Variants in PTPN14 observed in about 807,000 individuals in gnomAD.
The protein encoded by PTPN14 is tyrosine-protein phosphatase non-receptor type 14.
A neutral mutation model predicts 126.8 loss-of-function variants in PTPN14; 53 were observed. The ratio of observed to expected loss-of-function variants is 0.42; its 90% CI spans 0.34 to 0.53. The LOEUF (loss-of-function observed/expected upper bound fraction) is 0.53, where lower values mean the gene tolerates loss of function less well. PTPN14 is among the 20% of genes least tolerant of loss of function. The pLI, the probability that PTPN14 is intolerant of heterozygous loss-of-function variation, is 0.08. For synonymous variants in PTPN14, 630 were observed against 599.3 expected (o/e 1.05, Z -0.75); for missense variants, 1,257 against 1,552.9 (o/e 0.81, Z 3.20).
chr1:214,371,834 A>C (rs1306194387), intron 16 of PTPN14, among the ~76,000 whole-genome samples: 1 of 152,178 alleles, frequency 6.6e-6, no homozygotes, highest in Non-Finnish European at 1.5e-5. Flanking sequence ...TGTGCTGAGA[A>C]GCAAATGCTC....
intron 1 of PTPN14, among the ~76,000 whole-genome samples, chr1:214,548,654 G>A (rs1219909108): frequency 6.6e-6 from 1 of 152,158 alleles, no homozygotes; most frequent in Non-Finnish European, 1.5e-5. Flanking sequence ...ACCCAGGGGG[G>A]CTATAATATG....
Position 214,551,454 on chromosome 1 carries a change from G to A in PTPN14, c.-426C>T, listed in dbSNP as rs1286731197. ...CGGGGAGGATGGCTCAGCTGGGAGG[G>A]GAAGGAGCGCCAGTGGCCACTTGAT... On this transcript the variant is annotated 5_prime_UTR_variant, in exon 1 of 19. Transcript: ENST00000366956. 6.6e-6 allele frequency: 1 copy of A among 152,614 alleles called. No individual in the cohort carries two copies. The highest frequency in any genetic ancestry group is 1.5e-5 in the Non-Finnish European group (1 of 68,396). The allele number at this position is 152,614 out of a possible 1,614,324, so 9.5% of individuals were successfully genotyped here. A position where few individuals can be genotyped will look rare whatever the true frequency, so the allele number is the denominator to read the frequency against.
intron 3 of PTPN14, among the ~76,000 whole-genome samples, chr1:214,434,323 T>C (rs1659864002): frequency 6.6e-6 from 1 of 151,638 alleles, no homozygotes; most frequent in Admixed American, 6.6e-5. Flanking sequence ...TTTTGAGGAG[T>C]GGGCTCTCCA....
intron 1 of PTPN14, among the ~76,000 whole-genome samples, chr1:214,521,510 T>C (rs1655253799): frequency 1.3e-5 from 2 of 152,154 alleles, no homozygotes; most frequent in Admixed American, 1.3e-4. Context: ...GTCAGGAGTT[T>C]GAAACCAGCC....
intron 4 of PTPN14, 105 bp downstream of exon 4, chr1:214,414,524 C>G (rs1051742237): frequency 1.1e-5 from 12 of 1,046,074 alleles, no homozygotes; most frequent in Non-Finnish European, 1.7e-5. Context: ...GGGAGCATTA[C>G]TAAGGGATCA....
intron 11 of PTPN14, among the ~76,000 whole-genome samples, chr1:214,387,609 C>T (rs1658651532): frequency 1.4e-5 from 2 of 146,820 alleles, no homozygotes; most frequent in East Asian, 2.1e-4. Context: ...ACCTGGGCGG[C>T]GGAGGTTGCA....
chr1:214,533,414 C>A, intron 1 of PTPN14: 1 of 415,484 alleles, frequency 2.4e-6, no homozygotes, highest in South Asian at 2.0e-5. Context: ...CCACCTGCCG[C>A]AAAGTGAGTG....
intron 5 of PTPN14, among the ~76,000 whole-genome samples, chr1:214,407,449 T>C (rs1025771654): frequency 4.0e-5 from 6 of 150,830 alleles, no homozygotes; most frequent in Non-Finnish European, 8.8e-5. Flanking sequence ...TGAGCTGAGA[T>C]GGTGCCATTG....
At chr1:214,534,324 A>G (rs1655640556) in intron 1 of PTPN14, among the ~76,000 whole-genome samples, 1 of 152,228 alleles carries the variant, frequency 6.6e-6, no homozygotes, top group East Asian at 1.9e-4. Flanking sequence ...TTGTTCATCT[A>G]TGTTTATAGT....
chr1:214,491,128 C>A (rs1661238729), intron 1 of PTPN14, among the ~76,000 whole-genome samples: 1 of 151,900 alleles, frequency 6.6e-6, no homozygotes, highest in South Asian at 2.1e-4. Context: ...TACCCAGTGG[C>A]ATGGGCAAGA....
At chr1:214,399,065 C>A (rs1351971950) in intron 7 of PTPN14, among the ~76,000 whole-genome samples, 1 of 152,156 alleles carries the variant, frequency 6.6e-6, no homozygotes, top group Non-Finnish European at 1.5e-5. Flanking sequence ...CCGTGCCCGG[C>A]CTAAAGGAGT....
chr1:214,399,260 G>A (rs556499416), intron 7 of PTPN14, among the ~76,000 whole-genome samples: 39 of 152,286 alleles, frequency 2.6e-4, no homozygotes, highest in African/African-American at 8.9e-4. Context: ...CTGTGTCGGC[G>A]GGGTCAGGTC....
At chr1:214,414,778 A>G (rs1558092220) in intron 3 of PTPN14, 52 bp from the exon 4 acceptor site, 2 of 1,412,732 alleles carry the variant, frequency 1.4e-6, no homozygotes, top group Admixed American at 1.7e-5. Context: ...TACTTGGAAT[A>G]TATTCCCACA....
chr1:214,448,857 T>C (rs930107935), intron 3 of PTPN14, among the ~76,000 whole-genome samples: 7 of 152,150 alleles, frequency 4.6e-5, no homozygotes, highest in African/African-American at 1.2e-4. Context: ...TATTCCTACA[T>C]TGAGCCAAAT....
In PTPN14 at chr1:214,369,554, G is replaced by C. The variant is rs772177003; in HGVS notation, c.3174C>G (p.Val1058=). ...TTTCTTGCCCAGACAAAAGGTGCTT[G>C]ACCTTCAAGCCCGTGGTTGCATAGC... is the stretch of plus-strand genomic sequence containing the variant. ...SVCYATTGLK[V]KHLLSGQERT... Residue 1058 remains valine, a synonymous_variant, in exon 17 of 19, where the codon GTC becomes GTG. Coordinates refer to ENST00000366956, the MANE Select transcript of PTPN14 (RefSeq NM_005401.5). 2 of 1,614,156 alleles carry C rather than the reference G, an allele frequency of 1.2e-6. No homozygotes were observed. Among genetic ancestry groups the C allele is most frequent in the Middle Eastern group, 1.6e-4 (1 of 6,062 alleles).
chr1:214,392,730 A>AT (rs1228864704), intron 10 of PTPN14, among the ~76,000 whole-genome samples: 1 of 152,206 alleles, frequency 6.6e-6, no homozygotes, highest in Non-Finnish European at 1.5e-5. Context: ...GGTAGGCCTA[A>AT]TACTGTCAGA....
In PTPN14 at chr1:214,383,265, A is replaced by ACTC; in HGVS notation, c.2544+45_2544+46insGAG. 3 of 1,578,024 alleles carry ACTC rather than the reference A, an allele frequency of 1.9e-6. No homozygotes were observed. The highest frequency in any genetic ancestry group is 2.6e-6 in the Non-Finnish European group (3 of 1,157,270). On this transcript the variant is annotated intron_variant, in intron 13 of 18. Coordinates refer to ENST00000366956, the MANE Select transcript of PTPN14 (RefSeq NM_005401.5). This position sits in a 1 kb window ranked among gnomAD's most constrained non-coding sequence, Gnocchi z 4.4. Reference sequence around the variant, plus strand: ...CTGCCCCTTGCTCAGTGCCTGAAGCATGTGCTTTCACACTGGAAAATGCCC... The same window carrying ACTC: ...CTGCCCCTTGCTCAGTGCCTGAAGCACTCTGTGCTTTCACACTGGAAAATGCCC...
intron 1 of PTPN14, among the ~76,000 whole-genome samples, chr1:214,545,235 T>C (rs958909637): frequency 6.6e-6 from 1 of 152,132 alleles, no homozygotes; most frequent in Non-Finnish European, 1.5e-5. Context: ...TAACAGAATA[T>C]CACAGATTAG....
chr1:214,415,477 C>T (rs1659405038), intron 3 of PTPN14, among the ~76,000 whole-genome samples: 1 of 152,210 alleles, frequency 6.6e-6, no homozygotes, highest in African/African-American at 2.4e-5. Flanking sequence ...ATACTCTCAA[C>T]ACATAGTCAC....
Sources: gnomAD v4.1 joint callset for allele counts (sites outside exome capture counted in the v4.1 genomes callset) on GRCh38, gnomAD v4.1.1 for gene constraint, Gnocchi (gnomAD v3.1) non-coding constraint, MANE v1.5 for transcripts, NCBI Gene and HGNC (gene_info 2026-07-23, HGNC 2026-07-21) for gene names.